Variants in TESPA1 observed in about 807,000 individuals in gnomAD.
TESPA1 encodes the protein thymocyte expressed, positive selection associated 1.
A neutral mutation model predicts 57.9 loss-of-function variants in TESPA1; 33 were observed. The observed-to-expected ratio is 0.57, with a 90% CI of 0.43 to 0.76. The LOEUF is 0.76. TESPA1 is among the 30% of genes least tolerant of loss of function. The pLI is 0.00. For missense variants in TESPA1, 618 were observed against 632.9 expected (o/e 0.98, Z 0.25); for synonymous variants, 227 against 228.9 (o/e 0.99, Z 0.07).
intron 1 of TESPA1, among the ~76,000 whole-genome samples, chr12:54,980,952 A>C (rs558471422): frequency 1.1e-4 from 16 of 151,062 alleles, no homozygotes; most frequent in African/African-American, 3.7e-4. Context: ...TCTATACCTA[A>C]GTTTCTTCTT....
intron 3 of TESPA1, among the ~76,000 whole-genome samples, chr12:54,969,133 C>T (rs1444869429): frequency 1.3e-5 from 2 of 149,522 alleles, no homozygotes; most frequent in East Asian, 4.0e-4. Context: ...TTACCAAAAT[C>T]TGAATTTTAA....
chr12:54,961,404 C>CA, intron 9 of TESPA1, 137 bp from the exon 10 acceptor site: 1 of 867,304 alleles, frequency 1.2e-6, no homozygotes, highest in Admixed American at 2.2e-5. Flanking sequence ...GTCAGGGACA[C>CA]AGTAATGAGG....
chr12:54,963,133 G>A lies in TESPA1; in HGVS notation c.765C>T (p.Phe255=), dbSNP rs1450940168. ...CATCAGTTGGATGGTTGCAATTCCA[G>A]AACATGTGGGATGGTGTGAACTTTT... ...PVQKFTPSHM[F]WNCNHPTDVP... The change falls in exon 9 of 11, where the codon TTC becomes TTT. Residue 255 remains phenylalanine, a synonymous_variant. Coordinates refer to ENST00000449076, the MANE Select transcript of TESPA1 (RefSeq NM_001136030.3). The A allele has an allele frequency of 6.2e-6, 10 of 1,613,838 alleles. No homozygotes were observed. Among genetic ancestry groups the A allele is most frequent in the Non-Finnish European group, 8.5e-6 (10 of 1,179,884 alleles).
At chr12:54,963,997 T>G (rs756301956) in intron 7 of TESPA1, 47 bp from the exon 8 acceptor site, 1 of 1,559,112 alleles carries the variant, frequency 6.4e-7, no homozygotes, top group Non-Finnish European at 8.8e-7. Context: ...TTGAGACACA[T>G]GGTAATTCAG....
chr12:54,972,149 A>C (rs1218347114), intron 3 of TESPA1, among the ~76,000 whole-genome samples: 1 of 152,256 alleles, frequency 6.6e-6, no homozygotes, highest in Non-Finnish European at 1.5e-5. Context: ...GAGACTTTTC[A>C]CTAACCAGAC....
chr12:54,963,483 C>T (rs1001497527), intron 8 of TESPA1, among the ~76,000 whole-genome samples: 3 of 152,172 alleles, frequency 2.0e-5, no homozygotes, highest in African/African-American at 7.2e-5. Flanking sequence ...TTATAGACAT[C>T]ATGCTGATAT....
intron 3 of TESPA1, among the ~76,000 whole-genome samples, chr12:54,972,357 A>T (rs1951884023): frequency 1.3e-5 from 2 of 152,228 alleles, no homozygotes; most frequent in Admixed American, 6.5e-5. Flanking sequence ...GACAGTTAGC[A>T]AAAGCGTAAT....
At chr12:54,964,075 A>G (rs1486531773) in intron 7 of TESPA1, 125 bp from the exon 8 acceptor site, 1 of 1,007,552 alleles carries the variant, frequency 9.9e-7, no homozygotes, top group African/African-American at 1.6e-5. Flanking sequence ...TCTACTTTTC[A>G]CTGTGACTTT....
In TESPA1 at chr12:54,963,250, C is replaced by T; in HGVS notation, c.656-8G>A. On this transcript the variant is annotated splice_polypyrimidine_tract_variant and splice_region_variant and intron_variant, in intron 8 of 10. Coordinates refer to ENST00000449076, the MANE Select transcript of TESPA1 (RefSeq NM_001136030.3). ...GCACCTGCTTAAACCTGCCTGGGTA[C>T]AAGAGTTAAAGATGGTAAGTCTGGG... 1 of 1,603,434 alleles carries T rather than the reference C, an allele frequency of 6.2e-7. No homozygotes were observed. The highest frequency in any genetic ancestry group is 8.5e-7 in the Non-Finnish European group (1 of 1,175,028).
chr12:54,962,949 A>G lies in TESPA1; in HGVS notation c.949T>C (p.Leu317=). ...TCTTTCACTTTGTCCATCACTTCCA[A>G]CACAACTTGGTCCAAACTGTTCCTT... ...PKRNSLDQVV[L]EVMDKVKEEK... Residue 317 remains leucine (L), a synonymous_variant, in exon 9 of 11, where the codon TTG becomes CTG. Transcript: ENST00000449076. The G allele has an allele frequency of 6.2e-7, 1 of 1,611,984 alleles. No homozygotes were observed. The highest frequency in any genetic ancestry group is 8.5e-7 in the Non-Finnish European group (1 of 1,179,606).
chr12:54,984,373 A>G (rs1489666996), intron 1 of TESPA1, among the ~76,000 whole-genome samples: 1 of 152,204 alleles, frequency 6.6e-6, no homozygotes, highest in East Asian at 1.9e-4. Flanking sequence ...TAATAAAGAG[A>G]AAACAAACAA....
chr12:54,974,918 T>C (rs1952063962), intron 1 of TESPA1, among the ~76,000 whole-genome samples: 1 of 152,242 alleles, frequency 6.6e-6, no homozygotes, highest in Non-Finnish European at 1.5e-5. Flanking sequence ...ATCGAAATGC[T>C]GTATTAGAAA....
In TESPA1 at chr12:54,967,876, A is replaced by C. The variant is rs1565856553; in HGVS notation, c.223T>G (p.Phe75Val). ...ATAAACTGTCCTGCTTCCTCAGAAA[A>C]TCCTTCTTCAGAGTATCTAAACCAA... ...LQDCGYSEEG[F>V]SEEAGQFIYN... The change falls in exon 4 of 11, where the codon TTT (phenylalanine) becomes GTT (valine). Residue 75 changes from phenylalanine (F) to valine (V), a missense_variant. Coordinates refer to ENST00000449076, the MANE Select transcript of TESPA1 (RefSeq NM_001136030.3). The C allele has an allele frequency of 2.5e-6, 4 of 1,613,688 alleles. No homozygotes were observed. Among genetic ancestry groups the C allele is most frequent in the Non-Finnish European group, 3.4e-6 (4 of 1,179,716 alleles).
intron 7 of TESPA1, among the ~76,000 whole-genome samples, chr12:54,964,437 C>T (rs1592359906): frequency 6.6e-6 from 1 of 152,192 alleles, no homozygotes; most frequent in African/African-American, 2.4e-5. Flanking sequence ...TCAATAAGCA[C>T]ATCCAAAACC....
intron 10 of TESPA1, among the ~76,000 whole-genome samples, chr12:54,957,798 A>T (rs1239103748): frequency 6.6e-6 from 1 of 152,234 alleles, no homozygotes; most frequent in Non-Finnish European, 1.5e-5. Context: ...TTCATTGATG[A>T]TCATAAACCA....
chr12:54,973,537 T>C lies in TESPA1; in HGVS notation c.164-18A>G. 1 of 1,614,008 alleles carries C rather than the reference T, an allele frequency of 6.2e-7. No individual in the cohort carries two copies. Among genetic ancestry groups the C allele is most frequent in the Admixed American group, 1.7e-5 (1 of 60,022 alleles). ...TGGATTCCCTAGAAAAGTCAGACAC[T>C]AGATCACTGTGAGAACTGAACGAAA... On this transcript the variant is annotated intron_variant, in intron 2 of 10. Coordinates refer to ENST00000449076, the MANE Select transcript of TESPA1 (RefSeq NM_001136030.3).
chr12:54,963,634 A>G lies in TESPA1; in HGVS notation c.655+108T>C. On this transcript the variant is annotated intron_variant, in intron 8 of 10. Transcript: ENST00000449076. ...ATAAGAGGAAATAGACACAATAGGC[A>G]AAGGGTTAAAGATAACCAAGAGAAA... 5 of 1,220,178 alleles carry G rather than the reference A, an allele frequency of 4.1e-6. No individual in the cohort carries two copies. The South Asian group carries it at 5.8e-5, about 14-fold the overall frequency. The allele number at this position is 1,220,178 out of a possible 1,614,324, so 75.6% of individuals were successfully genotyped here.
intron 10 of TESPA1, among the ~76,000 whole-genome samples, chr12:54,953,232 A>C (rs1950506051): frequency 6.6e-6 from 1 of 152,134 alleles, no homozygotes; most frequent in South Asian, 2.1e-4. Flanking sequence ...CTAAACCAAA[A>C]CACTTAAAAT....
At chr12:54,962,335 G>A (rs1951129039) in intron 9 of TESPA1, 96 bp downstream of exon 9, 1 of 1,381,416 alleles carries the variant, frequency 7.2e-7, no homozygotes, top group Admixed American at 2.2e-5. Context: ...AGGAAGCCTG[G>A]ATTATTTTTC....
Sources: gnomAD v4.1 joint callset for allele counts (sites outside exome capture counted in the v4.1 genomes callset) on GRCh38, gnomAD v4.1.1 for gene constraint, MANE v1.5 for transcripts, NCBI Gene and HGNC (gene_info 2026-07-23, HGNC 2026-07-21) for gene names.